Variants in PSMD14 observed in about 807,000 individuals in gnomAD.
The protein encoded by PSMD14 is proteasome 26S subunit, non-ATPase 14, also known as ubiquitin C-terminal hydrolase PSMD14.
A neutral mutation model predicts 41.2 loss-of-function variants in PSMD14; 7 were observed. The observed-to-expected ratio is 0.17, with a 90% CI of 0.10 to 0.32. The LOEUF is 0.32. Among genes scored for constraint, PSMD14 ranks in the 10% least tolerant of loss-of-function variants. PSMD14 has a pLI of 1.00. For synonymous variants in PSMD14, 114 were observed against 122.3 expected (o/e 0.93, Z 0.45); for missense variants, 139 against 375.6 (o/e 0.37, Z 5.21).
At chr2:161,351,190 C>G (rs1178607299) in intron 3 of PSMD14, among the ~76,000 whole-genome samples, 1 of 152,138 alleles carries the variant, frequency 6.6e-6, no homozygotes, top group Non-Finnish European at 1.5e-5. Flanking sequence ...CCACCTATAC[C>G]TTTTTGGCAT....
chr2:161,334,396 G>T (rs1302922914), intron 3 of PSMD14, among the ~76,000 whole-genome samples: 1 of 152,048 alleles, frequency 6.6e-6, no homozygotes, highest in Non-Finnish European at 1.5e-5. Flanking sequence ...TGTCTTTTTT[G>T]TTCGCTAAGG....
chr2:161,346,988 G>A (rs1428115494), intron 3 of PSMD14, among the ~76,000 whole-genome samples: 1 of 151,942 alleles, frequency 6.6e-6, no homozygotes, highest in Non-Finnish European at 1.5e-5. Flanking sequence ...TTTTTCTGTG[G>A]TACTCTGTCC....
intron 5 of PSMD14, 75 bp downstream of exon 5, chr2:161,367,978 C>G (rs1301656147): frequency 3.4e-6 from 5 of 1,455,470 alleles, no homozygotes; most frequent in Non-Finnish European, 4.6e-6. Context: ...CAAACTAACT[C>G]TCATCATATT....
chr2:161,336,461 T>C (rs916370639), intron 3 of PSMD14, among the ~76,000 whole-genome samples: 3 of 152,242 alleles, frequency 2.0e-5, no homozygotes, highest in Non-Finnish European at 2.9e-5. Flanking sequence ...GGATATCAAT[T>C]TTTTCTTTAG....
chr2:161,385,603 T>A (rs1388128335), intron 8 of PSMD14, 32 bp downstream of exon 8: 2 of 1,394,468 alleles, frequency 1.4e-6, no homozygotes, highest in Non-Finnish European at 2.0e-6. Context: ...GTGTTAAAAC[T>A]CTTTTAAATT....
At chr2:161,326,907 ATTG>A (rs1384551938) in intron 3 of PSMD14, among the ~76,000 whole-genome samples, 1 of 152,118 alleles carries the variant, frequency 6.6e-6, no homozygotes, top group Non-Finnish European at 1.5e-5. Context: ...TTTATTTTTT[ATTG>A]TTGTATTGTT....
chr2:161,382,796 T>C (rs1415231891), intron 7 of PSMD14: 1 of 151,844 alleles, frequency 6.6e-6, no homozygotes, highest in Non-Finnish European at 1.5e-5. Flanking sequence ...ACTGAACTAA[T>C]TTAATGTCTA....
At chr2:161,359,002 C>T (rs115644511) in intron 3 of PSMD14, among the ~76,000 whole-genome samples, 1,828 of 152,234 alleles carry the variant, frequency 0.012, 28 homozygotes, top group African/African-American at 0.042. Context: ...GATAGGGCCT[C>T]GTTGTCCAGG....
chr2:161,346,165 G>A (rs957826481), intron 3 of PSMD14, among the ~76,000 whole-genome samples: 7 of 152,178 alleles, frequency 4.6e-5, no homozygotes, highest in Admixed American at 4.6e-4. Flanking sequence ...TTATAGGCGT[G>A]AGCCACCGTG....
chr2:161,309,576 A>G (rs1440307938), intron 1 of PSMD14, among the ~76,000 whole-genome samples: 1 of 152,230 alleles, frequency 6.6e-6, no homozygotes, highest in Non-Finnish European at 1.5e-5. Flanking sequence ...GATGATTAAT[A>G]TAATGGTGGC....
chr2:161,308,648 G>T (rs1336437672), intron 1 of PSMD14, 44 bp downstream of exon 1: 4 of 152,386 alleles, frequency 2.6e-5, no homozygotes, highest in Non-Finnish European at 5.9e-5. Context: ...GGAGGCAGCC[G>T]TGCTAGGCCG....
intron 10 of PSMD14, among the ~76,000 whole-genome samples, chr2:161,405,792 T>G (rs1040538613): frequency 1.2e-4 from 19 of 152,096 alleles, no homozygotes; most frequent in African/African-American, 4.3e-4. Context: ...ATGGTGATAT[T>G]AAAAAGATAT....
At chr2:161,387,156 TG>T (rs1271552403) in intron 8 of PSMD14, among the ~76,000 whole-genome samples, 2 of 152,022 alleles carry the variant, frequency 1.3e-5, no homozygotes, top group African/African-American at 4.8e-5. Context: ...GACATCTATC[TG>T]GGTGCTCTAC....
At chr2:161,352,744 C>G (rs1321415769) in intron 3 of PSMD14, among the ~76,000 whole-genome samples, 1 of 151,844 alleles carries the variant, frequency 6.6e-6, no homozygotes, top group Non-Finnish European at 1.5e-5. Flanking sequence ...TTGTCTTTCT[C>G]TTCTTTCATT....
chr2:161,353,171 T>C (rs1192752361), intron 3 of PSMD14, among the ~76,000 whole-genome samples: 6 of 152,202 alleles, frequency 3.9e-5, no homozygotes, highest in Non-Finnish European at 7.3e-5. Flanking sequence ...AATAGTGAAA[T>C]CTTGGGTCCT....
chr2:161,408,224 A>T (rs535225465), intron 10 of PSMD14: 2 of 152,204 alleles, frequency 1.3e-5, no homozygotes, highest in Non-Finnish European at 1.5e-5. Context: ...GTTACTAAAG[A>T]TCACTCATGT....
intron 10 of PSMD14, among the ~76,000 whole-genome samples, chr2:161,396,425 C>T (rs141527660): frequency 6.6e-6 from 1 of 152,052 alleles, no homozygotes; most frequent in African/African-American, 2.4e-5. Context: ...TATAGATATA[C>T]ATACAATGGA....
At chr2:161,383,497 A>G (rs1186110299) in intron 7 of PSMD14, 1 of 151,740 alleles carries the variant, frequency 6.6e-6, no homozygotes, top group African/African-American at 2.4e-5. Context: ...TAGTATTTTC[A>G]TTTCCTTTTT....
At chr2:161,362,557 A>G (rs1402781174) in intron 3 of PSMD14, among the ~76,000 whole-genome samples, 1 of 151,992 alleles carries the variant, frequency 6.6e-6, no homozygotes, top group South Asian at 2.1e-4. Flanking sequence ...ATGGAATCCT[A>G]TTTTCTGAGC....
Sources: gnomAD v4.1 joint callset for allele counts (sites outside exome capture counted in the v4.1 genomes callset) on GRCh38, gnomAD v4.1.1 for gene constraint, MANE v1.5 for transcripts, NCBI Gene and HGNC (gene_info 2026-07-23, HGNC 2026-07-21) for gene names.